The following JPT2 variants were observed in gnomAD, a reference collection of about 807,000 sequenced individuals.
JPT2 encodes CRAMP_1 like.
JPT2 carries 9 observed loss-of-function variants against 15.9 expected under a neutral mutation model. The ratio of observed to expected loss-of-function variants is 0.57; its 90% CI spans 0.34 to 0.99. JPT2 has a LOEUF of 0.99. Ranked by LOEUF, JPT2 falls within the 50% of genes least tolerant of loss-of-function variation. The pLI is 0.02. For missense variants in JPT2, 267 were observed against 252.1 expected (o/e 1.06, Z -0.40); for synonymous variants, 95 against 91.7 (o/e 1.04, Z -0.21).
In JPT2 at chr16:1,700,226, A is replaced by C. The variant is rs2037172228; in HGVS notation, c.*1228A>C. Reference sequence around the variant, plus strand: ...CCAGGAGATGAAGGAGTTCAGTAGCAAAGTCACACCTGTCCAATTCCCTGA... The same window carrying C: ...CCAGGAGATGAAGGAGTTCAGTAGCCAAGTCACACCTGTCCAATTCCCTGA... On this transcript the variant is annotated 3_prime_UTR_variant, in exon 5 of 5. Coordinates refer to ENST00000248098, the MANE Select transcript of JPT2 (RefSeq NM_144570.3). 6.6e-6 allele frequency: 3 copies of C among 454,634 alleles called. No individual in the cohort carries two copies. Among genetic ancestry groups the C allele is most frequent in the African/African-American group, 4.0e-5 (2 of 50,064 alleles). The allele number at this position is 454,634 out of a possible 1,614,324, so 28.2% of individuals were successfully genotyped here.
chr16:1,692,755 T>G (rs1567471166), intron 3 of JPT2, among the ~76,000 whole-genome samples: 2 of 152,232 alleles, frequency 1.3e-5, no homozygotes, highest in Admixed American at 6.5e-5. Context: ...TTAGCGATAT[T>G]TTTTCATCTA....
chr16:1,702,794 C>T (rs1411632857), downstream of JPT2, among the ~76,000 whole-genome samples: 1 of 152,216 alleles, frequency 6.6e-6, no homozygotes, highest in Non-Finnish European at 1.5e-5. Flanking sequence ...TCACAGGGAA[C>T]TGTGTGGCTT....
rs201150509 is a variant in JPT2, at chr16:1,691,868, C to T, written c.219C>T (p.Asp73=). 7.2e-5 allele frequency: 117 copies of T among 1,613,976 alleles called. No homozygotes were observed. The South Asian group carries it at 9.3e-4, about 13-fold the overall frequency. Residue 73 remains aspartate (D), a synonymous_variant, in exon 3 of 5, where the codon GAC becomes GAT. Coordinates refer to ENST00000248098, the MANE Select transcript of JPT2 (RefSeq NM_144570.3). ...PPGGKGSGIF[D]ESTPVQTRQH... is the part of the protein sequence containing the mutation. ...GGGGTAAAGGAAGTGGTATCTTTGA[C>T]GAATCAACCCCCGTGCAGACTCGAC...
rs367704836 is a variant in JPT2 at position 1,699,403 on chromosome 16, C to G, written c.*405C>G. ...GATGGAGGAGGCGTAAGCAGAAACACTAACAGTATATTGACCTCTTAGCAG... is the reference window on the plus strand; with the variant it reads ...GATGGAGGAGGCGTAAGCAGAAACAGTAACAGTATATTGACCTCTTAGCAG... On this transcript the variant is annotated 3_prime_UTR_variant, in exon 5 of 5. Coordinates refer to ENST00000248098, the MANE Select transcript of JPT2 (RefSeq NM_144570.3). 1 of 413,420 alleles carries G rather than the reference C, an allele frequency of 2.4e-6. No homozygotes were observed. The highest frequency in any genetic ancestry group is 2.0e-5 in the African/African-American group (1 of 49,456). 25.6% of individuals were successfully genotyped at this position (413,420 alleles called of 1,614,324 possible).
In JPT2 at chr16:1,701,215, C is replaced by T. The variant is rs1058489; in HGVS notation, c.*2217C>T. The stretch of plus-strand genomic sequence containing the variant: ...AAACCTAGCATCCTGTTCTCACCCT[C>T]TAAGCTGCATTGAGAAATGACTCGT... On this transcript the variant is annotated 3_prime_UTR_variant, in exon 5 of 5. Transcript: ENST00000248098. 5.2e-5 allele frequency: 8 copies of T among 152,668 alleles called. No homozygotes were observed. The highest frequency in any genetic ancestry group is 1.9e-4 in the African/African-American group (8 of 41,456). 9.5% of individuals were successfully genotyped at this position (152,668 alleles called of 1,614,324 possible). A position where few individuals can be genotyped will look rare whatever the true frequency, so the allele number is the denominator to read the frequency against.
chr16:1,692,296 G>C (rs985544153), intron 3 of JPT2: 3 of 354,994 alleles, frequency 8.5e-6, no homozygotes, highest in Non-Finnish European at 1.6e-5. Context: ...GGAGCGGAAC[G>C]TGCCGCAGAC....
At chr16:1,693,217 G>A (rs757303588) in intron 3 of JPT2, among the ~76,000 whole-genome samples, 7 of 152,112 alleles carry the variant, frequency 4.6e-5, no homozygotes, top group Non-Finnish European at 7.3e-5. Context: ...CTGCCTCAGC[G>A]TCCCGAGTAG....
At chr16:1,702,372 A>G (rs1360032413), downstream of JPT2, 3 of 314,980 alleles carry the variant, frequency 9.5e-6, no homozygotes, top group Non-Finnish European at 1.9e-5. Flanking sequence ...TATTTCTAGC[A>G]GCTGCCAAGG....
chr16:1,679,187 G>A (rs1264168445), intron 1 of JPT2, among the ~76,000 whole-genome samples: 1 of 152,220 alleles, frequency 6.6e-6, no homozygotes, highest in Non-Finnish European at 1.5e-5. Flanking sequence ...AACTTGCATT[G>A]TGAAGTTTGG....
intron 2 of JPT2, among the ~76,000 whole-genome samples, chr16:1,686,909 G>C (rs556051334): frequency 6.6e-6 from 1 of 152,188 alleles, no homozygotes; most frequent in East Asian, 1.9e-4. Flanking sequence ...ACCTCACTCC[G>C]TTTTGGGGTA....
Position 1,699,749 on chromosome 16 carries a change from C to T in JPT2, c.*751C>T, listed in dbSNP as rs569326411. On this transcript the variant is annotated 3_prime_UTR_variant, in exon 5 of 5. Transcript: ENST00000248098. ...TTTGCTTGTGAATTCTTGCTTTTTT[C>T]CTCTCATCAGCCTTAAGTTTAGGCG... The T allele has an allele frequency of 3.7e-4, 85 of 231,936 alleles. No homozygotes were observed. The highest frequency in any genetic ancestry group is 1.8e-3 in the African/African-American group (81 of 44,504). The allele number at this position is 231,936 out of a possible 1,614,324, so 14.4% of individuals were successfully genotyped here. A position where few individuals can be genotyped will look rare whatever the true frequency, so the allele number is the denominator to read the frequency against.
At chr16:1,680,140 G>T (rs1305909620) in intron 1 of JPT2, among the ~76,000 whole-genome samples, 1 of 152,218 alleles carries the variant, frequency 6.6e-6, no homozygotes, top group African/African-American at 2.4e-5. Flanking sequence ...TTAAACTAGT[G>T]CTCAGAGCGA....
chr16:1,700,536 G>T lies in JPT2; in HGVS notation c.*1538G>T. 5.4e-6 allele frequency: 1 copy of T among 185,010 alleles called. No individual in the cohort carries two copies. Among genetic ancestry groups the T allele is most frequent in the Admixed American group, 5.3e-5 (1 of 19,026 alleles). The allele number at this position is 185,010 out of a possible 1,614,324, so 11.5% of individuals were successfully genotyped here. A position where few individuals can be genotyped will look rare whatever the true frequency, so the allele number is the denominator to read the frequency against. ...CCTCACTGCTTAAGTGCCTGCAGGA[G>T]CCGCCTGCCAAGCTCCCCTTCCTAC... On this transcript the variant is annotated 3_prime_UTR_variant, in exon 5 of 5. Coordinates refer to ENST00000248098, the MANE Select transcript of JPT2 (RefSeq NM_144570.3).
intron 3 of JPT2, among the ~76,000 whole-genome samples, chr16:1,695,659 C>G (rs2037136364): frequency 2.0e-5 from 3 of 151,932 alleles, no homozygotes. Flanking sequence ...TTGCTTGAGC[C>G]TAGGATTTTG....
Position 1,698,997 on chromosome 16 carries a change from A to G in JPT2, c.572A>G (p.Ter191=). Residue 191 remains the stop codon, a stop_retained_variant, in exon 5 of 5, where the codon TAA becomes TGA. Transcript: ENST00000248098. This position sits in a 1 kb window ranked among gnomAD's most constrained non-coding sequence, Gnocchi z 4.9. ...GGCAAATCCAGCATCTCCTTCTACT[A>G]AGAGAAGCCACTGCTCCACCCGGAG... ...PGGKSSISFY[*] The G allele has an allele frequency of 6.2e-7, 1 of 1,612,090 alleles. No homozygotes were observed. The highest frequency in any genetic ancestry group is 8.5e-7 in the Non-Finnish European group (1 of 1,178,894).
intron 1 of JPT2, chr16:1,680,535 G>C (rs1304574527): frequency 2.5e-6 from 3 of 1,198,564 alleles, no homozygotes; most frequent in Non-Finnish European, 3.2e-6. Context: ...TCCACCAGAC[G>C]CTGCACATTT....
chr16:1,692,653 G>A (rs1468880743), intron 3 of JPT2, among the ~76,000 whole-genome samples: 1 of 152,206 alleles, frequency 6.6e-6, no homozygotes, highest in African/African-American at 2.4e-5. Context: ...ACCCTAGCTT[G>A]GACATTTGTT....
intron 3 of JPT2, among the ~76,000 whole-genome samples, chr16:1,696,878 G>A (rs1382683732): frequency 6.6e-6 from 1 of 152,218 alleles, no homozygotes; most frequent in Non-Finnish European, 1.5e-5. Context: ...TAGTGGGATT[G>A]GAAGATGGTG....
chr16:1,697,328 C>T (rs1048953980), intron 3 of JPT2, among the ~76,000 whole-genome samples: 4 of 151,984 alleles, frequency 2.6e-5, no homozygotes, highest in African/African-American at 7.3e-5. Flanking sequence ...AGCTGGGCAA[C>T]GTGGCAAAAC....
Sources: allele counts gnomAD v4.1 joint callset (sites outside exome capture counted in the v4.1 genomes callset), GRCh38; gene constraint gnomAD v4.1.1; non-coding constraint Gnocchi (gnomAD v3.1); transcripts MANE v1.5; gene names NCBI Gene and HGNC (gene_info 2026-07-23, HGNC 2026-07-21).